Variants in INPP4B observed in about 807,000 individuals in gnomAD.
The protein encoded by INPP4B is inositol polyphosphate 4-phosphatase type II.
A neutral mutation model predicts 122.5 loss-of-function variants in INPP4B; 55 were observed. The observed-to-expected ratio is 0.45, with a 90% CI of 0.36 to 0.56. INPP4B has a LOEUF of 0.56. Ranked by LOEUF, INPP4B falls within the 20% of genes least tolerant of loss-of-function variation. The probability of loss-of-function intolerance (pLI) is 0.00; values close to 1 mark genes in which losing one functional copy is unlikely to be tolerated. For missense variants in INPP4B, 1,000 were observed against 1,097.7 expected (o/e 0.91, Z 1.26); for synonymous variants, 403 against 388.7 (o/e 1.04, Z -0.43).
chr4:142,368,002 A>T (rs1788227251), intron 7 of INPP4B, among the ~76,000 whole-genome samples: 1 of 152,172 alleles, frequency 6.6e-6, no homozygotes, highest in Non-Finnish European at 1.5e-5. Context: ...CGTATTAAGA[A>T]ACACAAACAT....
chr4:142,707,620 T>C (rs1031291897), intron 2 of INPP4B, among the ~76,000 whole-genome samples: 11 of 152,248 alleles, frequency 7.2e-5, no homozygotes, highest in Non-Finnish European at 1.3e-4. Context: ...TCCTTCCTCT[T>C]GGCCTTCTGC....
chr4:142,152,059 GTCTTT>G (rs1221485581), intron 17 of INPP4B, among the ~76,000 whole-genome samples: 15 of 96,010 alleles, frequency 1.6e-4, no homozygotes, highest in African/African-American at 6.2e-4. Context: ...ATGCTTTTTT[GTCTTT>G]TCTTTTTTTT....
At chr4:142,326,981 T>A (rs1220114568) in intron 7 of INPP4B, among the ~76,000 whole-genome samples, 1 of 152,208 alleles carries the variant, frequency 6.6e-6, no homozygotes, top group Non-Finnish European at 1.5e-5. Context: ...GCCCCTTCCA[T>A]GGCTGTGTGC....
chr4:142,725,885 C>G lies in INPP4B; in HGVS notation c.-237G>C, dbSNP rs1307749074. Reference sequence around the variant, plus strand: ...AGACAGAAGACCTCTTGCCAGGTAACACCATTTCTTTGTATTCTACGGGAA... The same window carrying G: ...AGACAGAAGACCTCTTGCCAGGTAAGACCATTTCTTTGTATTCTACGGGAA... On this transcript the variant is annotated 5_prime_UTR_variant, in exon 2 of 26. Coordinates refer to ENST00000262992, the MANE Select transcript of INPP4B (RefSeq NM_001101669.3). 2 of 397,852 alleles carry G rather than the reference C, an allele frequency of 5.0e-6. No homozygotes were observed. Among genetic ancestry groups the G allele is most frequent in the African/African-American group, 4.1e-5 (2 of 48,596 alleles). The allele number at this position is 397,852 out of a possible 1,614,324, so 24.6% of individuals were successfully genotyped here. A position where few individuals can be genotyped will look rare whatever the true frequency, so the allele number is the denominator to read the frequency against.
chr4:142,209,340 A>G (rs994387864), intron 12 of INPP4B, among the ~76,000 whole-genome samples: 2 of 152,174 alleles, frequency 1.3e-5, no homozygotes, highest in African/African-American at 2.4e-5. Flanking sequence ...GTTAAAAAGC[A>G]AATTGTAAAA....
At chr4:142,536,610 T>C (rs989024695) in intron 2 of INPP4B, among the ~76,000 whole-genome samples, 2 of 152,156 alleles carry the variant, frequency 1.3e-5, no homozygotes, top group Non-Finnish European at 2.9e-5. Context: ...AAGTTGTCTC[T>C]TCCTGCACTT....
chr4:142,386,970 T>C (rs1275987049), intron 7 of INPP4B, among the ~76,000 whole-genome samples: 1 of 152,142 alleles, frequency 6.6e-6, no homozygotes, highest in African/African-American at 2.4e-5. Context: ...GTAAGTTCTC[T>C]CTCGGATTTC....
chr4:142,359,663 TTCCTC>T (rs767720986), intron 7 of INPP4B, among the ~76,000 whole-genome samples: 16 of 151,974 alleles, frequency 1.1e-4, no homozygotes, highest in Non-Finnish European at 2.2e-4. Context: ...ATTAAGTACT[TTCCTC>T]TCCTTTTTTG....
intron 15 of INPP4B, among the ~76,000 whole-genome samples, chr4:142,174,221 G>A (rs1372355162): frequency 6.6e-6 from 1 of 152,060 alleles, no homozygotes; most frequent in Non-Finnish European, 1.5e-5. Context: ...GTAAATCCTG[G>A]TTTGTCACTA....
intron 7 of INPP4B, among the ~76,000 whole-genome samples, chr4:142,323,826 G>A (rs1487392817): frequency 6.6e-6 from 1 of 151,340 alleles, no homozygotes; most frequent in Non-Finnish European, 1.5e-5. Context: ...CCCTTTTTAT[G>A]TGAGGCAAAT....
chr4:142,454,930 T>A (rs1044362792), intron 3 of INPP4B, among the ~76,000 whole-genome samples: 2 of 151,760 alleles, frequency 1.3e-5, no homozygotes, highest in Non-Finnish European at 1.5e-5. Flanking sequence ...AACAGGAAAA[T>A]TGTTGAAAGG....
chr4:142,363,348 T>C (rs1786190615), intron 7 of INPP4B, among the ~76,000 whole-genome samples: 1 of 151,760 alleles, frequency 6.6e-6, no homozygotes, highest in Non-Finnish European at 1.5e-5. Flanking sequence ...AATATATATA[T>C]ATATGTGTGT....
At chr4:142,216,103 G>A (rs1241079721) in intron 12 of INPP4B, among the ~76,000 whole-genome samples, 6 of 151,946 alleles carry the variant, frequency 3.9e-5, no homozygotes, top group African/African-American at 1.5e-4. Flanking sequence ...AGTCACAACA[G>A]CTTCTACTTT....
intron 15 of INPP4B, among the ~76,000 whole-genome samples, chr4:142,179,472 C>CAAAAAA (rs71586262): frequency 1.4e-5 from 1 of 73,102 alleles, no homozygotes; most frequent in African/African-American, 6.1e-5. Context: ...AACTCCATCT[C>CAAAAAA]AAAAAAAAAA....
At chr4:142,652,766 T>C (rs1187902927) in intron 2 of INPP4B, among the ~76,000 whole-genome samples, 2 of 152,174 alleles carry the variant, frequency 1.3e-5, no homozygotes, top group Non-Finnish European at 2.9e-5. Context: ...AGAATCAATA[T>C]TGTGAAAATA....
Position 142,705,659 on chromosome 4 carries a change from G to A in INPP4B, c.-191+20180C>T, listed in dbSNP as rs543710057. Among the ~76,000 whole-genome samples, 4 of 152,124 alleles carry A rather than the reference G, an allele frequency of 2.6e-5. No individual in the cohort carries two copies. In the South Asian group the frequency reaches 8.3e-4, roughly 32 times the overall value. On this transcript the variant is annotated intron_variant, in intron 2 of 25. Coordinates refer to ENST00000262992, the MANE Select transcript of INPP4B (RefSeq NM_001101669.3). Reference sequence around the variant, plus strand: ...AAGGCAGAGATTGATTCCTACCTCTGCCACTCATTCACGGTGCTACTTTCA... The same window carrying A: ...AAGGCAGAGATTGATTCCTACCTCTACCACTCATTCACGGTGCTACTTTCA...
chr4:142,733,386 C>A (rs1377203055), intron 1 of INPP4B, among the ~76,000 whole-genome samples: 2 of 151,950 alleles, frequency 1.3e-5, no homozygotes, highest in East Asian at 3.9e-4. Flanking sequence ...TAAAAAGAAA[C>A]CTGCAATACT....
intron 2 of INPP4B, among the ~76,000 whole-genome samples, chr4:142,694,359 C>A (rs185476046): frequency 7.1e-6 from 1 of 141,094 alleles, no homozygotes; most frequent in East Asian, 2.0e-4. Flanking sequence ...GGTGACAGAA[C>A]GAGACTCGTC....
intron 9 of INPP4B, chr4:142,287,222 C>G (rs1754154598): frequency 6.6e-6 from 1 of 152,112 alleles, no homozygotes; most frequent in African/African-American, 2.4e-5. Flanking sequence ...CATTGAGTTC[C>G]CTACTTTCTG....
Sources: allele counts gnomAD v4.1 joint callset (sites outside exome capture counted in the v4.1 genomes callset), GRCh38; gene constraint gnomAD v4.1.1; transcripts MANE v1.5; gene names NCBI Gene and HGNC (gene_info 2026-07-23, HGNC 2026-07-21).